CTBP1: variants seen among roughly 807,000 people sequenced by gnomAD.
CTBP1 encodes C-terminal binding protein 1, also known as C-terminal-binding protein 1.
Under a neutral mutation model 42.1 loss-of-function variants are expected in CTBP1, and 11 were observed. The ratio of observed to expected loss-of-function variants is 0.26; its 90% CI spans 0.16 to 0.43. CTBP1 has a LOEUF of 0.43. Ranked by LOEUF, CTBP1 falls within the 20% of genes least tolerant of loss-of-function variation. The pLI is 1.00. For synonymous variants in CTBP1, 324 were observed against 277.1 expected, an observed-to-expected ratio of 1.17 and a Z score of -1.68; for missense variants, 399 against 624.3, an observed-to-expected ratio of 0.64 and a Z score of 3.85.
chr4:1,215,461 C>T (rs1577017053), intron 6 of CTBP1: 2 of 201,542 alleles, frequency 9.9e-6, no homozygotes, highest in Middle Eastern at 4.2e-3. Flanking sequence ...ATCCCCAGCT[C>T]CACCCACTCA....
chr4:1,227,197 A>T (rs931473993), intron 4 of CTBP1, among the ~76,000 whole-genome samples: 1 of 150,670 alleles, frequency 6.6e-6, no homozygotes, highest in African/African-American at 2.4e-5. Flanking sequence ...TGCGTGTTCC[A>T]TGAGTGTTCC....
At chr4:1,228,104 G>T in intron 4 of CTBP1, 95 bp downstream of exon 4, 1 of 1,511,948 alleles carries the variant, frequency 6.6e-7, no homozygotes. Context: ...ATGTGCAACG[G>T]GGTCCTCAGT....
At chr4:1,244,040 G>A (rs1228184011) in intron 1 of CTBP1, 12 of 985,318 alleles carry the variant, frequency 1.2e-5, no homozygotes, top group Non-Finnish European at 1.4e-5. Context: ...TAAAGTAAAT[G>A]GGGGTGAGGT....
intron 4 of CTBP1, among the ~76,000 whole-genome samples, chr4:1,227,079 C>T (rs1730429340): frequency 6.6e-6 from 1 of 151,966 alleles, no homozygotes; most frequent in African/African-American, 2.4e-5. Context: ...AAGTGCGCTC[C>T]AAGCAGGACG....
chr4:1,224,037 C>T (rs1160397743), intron 5 of CTBP1, among the ~76,000 whole-genome samples: 3 of 152,202 alleles, frequency 2.0e-5, no homozygotes, highest in East Asian at 3.8e-4. Context: ...CTGGTGACCA[C>T]GGAGGAAGCC....
chr4:1,220,298 A>G (rs2108732598), intron 5 of CTBP1, among the ~76,000 whole-genome samples: 1 of 152,290 alleles, frequency 6.6e-6, no homozygotes, highest in Non-Finnish European at 1.5e-5. Flanking sequence ...CCAAAAAAAA[A>G]AAAAGAAAAA....
At chr4:1,215,507 T>G (rs1342588141) in intron 6 of CTBP1, 1 of 234,552 alleles carries the variant, frequency 4.3e-6, no homozygotes. Flanking sequence ...CTGCGAGCTG[T>G]GCTGAGGCAG....
At chr4:1,234,152 A>G (rs1393982390) in intron 3 of CTBP1, among the ~76,000 whole-genome samples, 2 of 152,194 alleles carry the variant, frequency 1.3e-5, no homozygotes, top group African/African-American at 2.4e-5. Context: ...AGGACCACAC[A>G]CTGCGAAACG....
intron 5 of CTBP1, chr4:1,217,826 G>A (rs1353350699): frequency 6.6e-6 from 1 of 152,240 alleles, no homozygotes; most frequent in African/African-American, 2.4e-5. Flanking sequence ...CAGACGCACA[G>A]ATGACCGAGG....
intron 5 of CTBP1, among the ~76,000 whole-genome samples, chr4:1,223,196 C>A (rs1380050846): frequency 1.3e-5 from 2 of 152,062 alleles, no homozygotes; most frequent in Non-Finnish European, 2.9e-5. Flanking sequence ...CCCTCCTCCC[C>A]TCAACAAACC....
rs905271975 is a variant in CTBP1 at position 1,228,390 on chromosome 4, C to A, written c.163-47G>T. 7 of 1,588,714 alleles carry A rather than the reference C, an allele frequency of 4.4e-6. No individual in the cohort carries two copies. In the African/African-American group the frequency reaches 9.4e-5, roughly 21 times the overall value. On this transcript the variant is annotated intron_variant, in intron 3 of 9. Coordinates refer to ENST00000382952, the MANE Select transcript of CTBP1 (RefSeq NM_001012614.2). Reference sequence around the variant, plus strand: ...GCTCAGCCCGGAACCTGAAGACCCTCGGGCTTGGCCTTCGGGGGTGGGGCT... The same window carrying A: ...GCTCAGCCCGGAACCTGAAGACCCTAGGGCTTGGCCTTCGGGGGTGGGGCT...
chr4:1,213,084 G>A lies in CTBP1; in HGVS notation c.989-54C>T, dbSNP rs925575649. The A allele has an allele frequency of 8.6e-5, 126 of 1,458,716 alleles. 1 individual carries two copies. The South Asian group carries it at 1.1e-3, about 12-fold the overall frequency. The allele number at this position is 1,458,716 out of a possible 1,614,324, so 90.4% of individuals were successfully genotyped here. On this transcript the variant is annotated intron_variant, in intron 8 of 9. Transcript: ENST00000382952. ...GTGGCTCTGAGGGGGCCCCAGGAGC[G>A]TGGCCCACTGGGTTGAAGACACGGG...
intron 6 of CTBP1, 28 bp from the exon 7 acceptor site, chr4:1,214,501 C>A: frequency 6.5e-7 from 1 of 1,549,000 alleles, no homozygotes; most frequent in Non-Finnish European, 8.7e-7. Context: ...AGGCCAGGCC[C>A]AGTCAGGGAT....
intron 5 of CTBP1, among the ~76,000 whole-genome samples, chr4:1,223,777 C>G (rs1380340066): frequency 6.6e-6 from 1 of 151,954 alleles, no homozygotes; most frequent in African/African-American, 2.4e-5. Context: ...GCTCTACTTT[C>G]CCTTAAGACA....
chr4:1,213,804 C>T (rs1188398092), intron 7 of CTBP1, 199 bp from the exon 8 acceptor site: 6 of 626,408 alleles, frequency 9.6e-6, no homozygotes, highest in East Asian at 3.1e-5. Flanking sequence ...CTCCTGACAG[C>T]GGCGGGTGTG....
intron 5 of CTBP1, 46 bp downstream of exon 5, chr4:1,225,314 G>A (rs1019619914): frequency 8.6e-6 from 13 of 1,511,390 alleles, no homozygotes; most frequent in African/African-American, 5.5e-5. Context: ...GAGCGGCAGC[G>A]CCAGACACAG....
At chr4:1,242,701 G>A (rs1238261890) in intron 1 of CTBP1, 19 of 985,324 alleles carry the variant, frequency 1.9e-5, no homozygotes, top group Non-Finnish European at 2.2e-5. Flanking sequence ...ACACTGTGGA[G>A]CGGGATCCCC....
chr4:1,234,881 C>T (rs924777080), intron 3 of CTBP1: 3 of 152,242 alleles, frequency 2.0e-5, no homozygotes, highest in African/African-American at 7.2e-5. Context: ...GACGTGCCAA[C>T]GTGCCCATGT....
chr4:1,231,120 T>C (rs1211856169), intron 3 of CTBP1: 2 of 152,278 alleles, frequency 1.3e-5, no homozygotes, highest in Non-Finnish European at 2.9e-5. Context: ...GGTTGGCCTG[T>C]GCTCAGCTGC....
Sources: allele counts gnomAD v4.1 joint callset (sites outside exome capture counted in the v4.1 genomes callset), GRCh38; gene constraint gnomAD v4.1.1; transcripts MANE v1.5; gene names NCBI Gene and HGNC (gene_info 2026-07-23, HGNC 2026-07-21).